Variants in GREB1 observed in about 807,000 individuals in gnomAD.
GREB1 encodes the protein growth regulating estrogen receptor binding 1.
Under a neutral mutation model 200.7 loss-of-function variants are expected in GREB1, and 106 were observed. That is an observed-to-expected ratio of 0.53 (90% CI 0.45 to 0.62). The LOEUF (loss-of-function observed/expected upper bound fraction) is 0.62. GREB1 is among the 20% of genes least tolerant of loss of function. The probability of loss-of-function intolerance (pLI) is 0.00; values close to 1 mark genes in which losing one functional copy is unlikely to be tolerated. For synonymous variants in GREB1, 1,132 were observed against 1,092.4 expected, an observed-to-expected ratio of 1.04 and a Z score of -0.72; for missense variants, 2,243 against 2,556.8, an observed-to-expected ratio of 0.88 and a Z score of 2.65.
chr2:11,584,948 A>C (rs1572815527), intron 7 of GREB1: 1 of 408,500 alleles, frequency 2.4e-6, no homozygotes, highest in East Asian at 4.2e-5. Flanking sequence ...TTGCCTAAGG[A>C]GGGGTGAACC....
intron 22 of GREB1, among the ~76,000 whole-genome samples, chr2:11,619,687 C>T (rs916922012): frequency 2.0e-5 from 3 of 152,058 alleles, no homozygotes; most frequent in Admixed American, 1.3e-4. Flanking sequence ...TTTTACTGGT[C>T]GTTGATACTT....
intron 4 of GREB1, among the ~76,000 whole-genome samples, chr2:11,570,264 C>G (rs1299502379): frequency 2.6e-5 from 4 of 151,972 alleles, no homozygotes; most frequent in African/African-American, 9.7e-5. Context: ...CAAAAATTAG[C>G]TGGCCGTGGT....
chr2:11,561,666 A>G (rs979987417), intron 2 of GREB1: 59 of 152,204 alleles, frequency 3.9e-4, no homozygotes, highest in African/African-American at 1.3e-3. Context: ...TGCCTGGCCT[A>G]CAGCACCTGG....
chr2:11,600,960 T>C lies in GREB1; in HGVS notation c.2494T>C (p.Tyr832His). 6.2e-7 allele frequency: 1 copy of C among 1,613,340 alleles called. No homozygotes were observed. Among genetic ancestry groups the C allele is most frequent in the Non-Finnish European group, 8.5e-7 (1 of 1,179,364 alleles). ...GACACAGCACACCCTCATCAGCCCC[T>C]ACAACGAGATCCACTGGCCTGCCTC... ...LQTQHTLISP[Y>H]NEIHWPASCS... The change falls in exon 16 of 33, where the codon TAC (tyrosine) becomes CAC (histidine). Residue 832 changes from tyrosine to histidine, a missense_variant. By Grantham distance (83) the Tyr-to-His change is moderately conservative (BLOSUM62 2). Transcript: ENST00000381486.
intron 9 of GREB1, chr2:11,587,644 G>A (rs965064785): frequency 1.5e-6 from 2 of 1,378,502 alleles, no homozygotes; most frequent in South Asian, 1.5e-5. Flanking sequence ...CACAGCCGAA[G>A]TCAGAAAATA....
intron 22 of GREB1, among the ~76,000 whole-genome samples, chr2:11,619,746 A>G (rs1453940467): frequency 4.6e-5 from 7 of 151,908 alleles, no homozygotes; most frequent in Admixed American, 3.9e-4. Flanking sequence ...CCTTTAGGCC[A>G]TTTGACTTTT....
In GREB1 at chr2:11,580,502, A is replaced by C. The variant is rs1228464330; in HGVS notation, c.773-202A>C. Among the ~76,000 whole-genome samples the C allele has an allele frequency of 1.3e-5, 2 of 152,062 alleles. No individual in the cohort carries two copies. Among genetic ancestry groups the C allele is most frequent in the South Asian group, 4.2e-4 (2 of 4,810 alleles). On this transcript the variant is annotated intron_variant, in intron 6 of 32. Coordinates refer to ENST00000381486, the MANE Select transcript of GREB1 (RefSeq NM_014668.4). The surrounding 1 kb of genome is among the most constrained non-coding windows in gnomAD (Gnocchi z 4.5). ...GAAGTGTGTATGTGTGTACACGTGC[A>C]TGGGGGTGTGTGTGTGTATGCATGT...
chr2:11,615,620 T>C (rs1349738294), intron 20 of GREB1, among the ~76,000 whole-genome samples: 1 of 152,240 alleles, frequency 6.6e-6, no homozygotes, highest in African/African-American at 2.4e-5. Context: ...TCAAAATTTC[T>C]TAGAGTTCCT....
At chr2:11,598,257 C>T (rs897152452) in intron 14 of GREB1, among the ~76,000 whole-genome samples, 1 of 152,218 alleles carries the variant, frequency 6.6e-6, no homozygotes, top group Admixed American at 6.5e-5. Context: ...CTTGTACTTT[C>T]AAGGATATCA....
intron 17 of GREB1, among the ~76,000 whole-genome samples, chr2:11,606,557 C>T (rs187687131): frequency 1.3e-3 from 192 of 152,152 alleles, no homozygotes; most frequent in South Asian, 2.7e-3. Context: ...TCTATAATCG[C>T]TTCTGATATT....
intron 15 of GREB1, among the ~76,000 whole-genome samples, chr2:11,599,950 G>A (rs1054945351): frequency 1.4e-4 from 22 of 152,194 alleles, no homozygotes; most frequent in African/African-American, 4.1e-4. Context: ...GGTCATCTCC[G>A]TGAGACTGGC....
chr2:11,587,289 G>GC (rs1572827834), intron 9 of GREB1: 9 of 930,412 alleles, frequency 9.7e-6, no homozygotes, highest in East Asian at 4.8e-5. Context: ...CCTTTCCTCT[G>GC]CCCCCCTTGT....
intron 1 of GREB1, among the ~76,000 whole-genome samples, chr2:11,554,939 A>C (rs1470720957): frequency 6.6e-6 from 1 of 152,224 alleles, no homozygotes; most frequent in African/African-American, 2.4e-5. Flanking sequence ...ACTGTTTAAA[A>C]ATTAAACACA....
At chr2:11,500,445 C>T (rs903055654) in intron 1 of GREB1, among the ~76,000 whole-genome samples, 1 of 148,524 alleles carries the variant, frequency 6.7e-6, no homozygotes, top group African/African-American at 2.5e-5. Context: ...CGGCGTAAGC[C>T]ACTGTGCCTG....
At chr2:11,488,148 G>A (rs1672697848) in intron 1 of GREB1, among the ~76,000 whole-genome samples, 1 of 152,154 alleles carries the variant, frequency 6.6e-6, no homozygotes, top group Non-Finnish European at 1.5e-5. Flanking sequence ...TGTTGTCAGG[G>A]AACTTGTACA....
chr2:11,598,083 G>A (rs1193597991), intron 14 of GREB1, 105 bp downstream of exon 14: 2 of 828,904 alleles, frequency 2.4e-6, no homozygotes, highest in South Asian at 1.4e-5. Context: ...AATAGGGCAA[G>A]TATTGCTGCT....
intron 2 of GREB1, among the ~76,000 whole-genome samples, chr2:11,558,983 G>C (rs1676709176): frequency 6.6e-6 from 1 of 152,082 alleles, no homozygotes; most frequent in Non-Finnish European, 1.5e-5. Context: ...TTTAAAAAAA[G>C]AGAGATCAAC....
intron 17 of GREB1, among the ~76,000 whole-genome samples, chr2:11,607,543 T>C (rs150359951): frequency 0.15 from 21,276 of 145,438 alleles, 1,797 homozygotes; most frequent in Middle Eastern, 0.21. Flanking sequence ...TATATATACA[T>C]ATATGTACAT....
chr2:11,516,710 C>G (rs769216538), intron 1 of GREB1, among the ~76,000 whole-genome samples: 18 of 152,200 alleles, frequency 1.2e-4, no homozygotes, highest in African/African-American at 4.3e-4. Flanking sequence ...TTCCTGACTC[C>G]CTGCAGGATA....
Sources: gnomAD v4.1 joint callset for allele counts (sites outside exome capture counted in the v4.1 genomes callset) on GRCh38, gnomAD v4.1.1 for gene constraint, Gnocchi (gnomAD v3.1) non-coding constraint, MANE v1.5 for transcripts, NCBI Gene and HGNC (gene_info 2026-07-23, HGNC 2026-07-21) for gene names.